The following NUMB variants were observed in gnomAD, a reference collection of about 807,000 sequenced individuals.
NUMB encodes protein numb homolog.
In NUMB, 29 loss-of-function variants were observed where a neutral mutation model predicts 59.7. The observed-to-expected ratio is 0.49, with a 90% CI of 0.36 to 0.66. NUMB has a LOEUF of 0.66. Ranked by LOEUF, NUMB falls within the 30% of genes least tolerant of loss-of-function variation. The probability of loss-of-function intolerance (pLI) is 0.00; values close to 1 mark genes in which losing one functional copy is unlikely to be tolerated. For synonymous variants in NUMB, 288 were observed against 288.2 expected (o/e 1.00, Z 0.01); for missense variants, 723 against 822.0 (o/e 0.88, Z 1.47).
intron 2 of NUMB, among the ~76,000 whole-genome samples, chr14:73,399,383 G>C (rs531782097): frequency 2.0e-5 from 3 of 152,088 alleles, no homozygotes; most frequent in Admixed American, 1.3e-4. Context: ...GACGAAAATG[G>C]AGAAACCCTG....
chr14:73,339,278 A>ACTAAACCAATGGTC (rs1892509012), intron 4 of NUMB, among the ~76,000 whole-genome samples: 1 of 152,184 alleles, frequency 6.6e-6, no homozygotes, highest in African/African-American at 2.4e-5. Flanking sequence ...GGCTGACAGT[A>ACTAAACCAATGGTC]TTGAAAAGTA....
chr14:73,385,987 GCTGT>G lies in NUMB; in HGVS notation c.-100-19010_-100-19007del, dbSNP rs1330750519. 2.0e-5 allele frequency among the ~76,000 whole-genome samples: 3 copies of G among 152,094 alleles called. No individual in the cohort carries two copies. The East Asian group carries it at 5.8e-4, about 29-fold the overall frequency. ...CTGAAGTATTGTACACTGATAAAAT[GCTGT>G]CTGACAACCTTAACTAGCGGGCTTT... On this transcript the variant is annotated intron_variant, in intron 2 of 12. Transcript: ENST00000555238.
intron 2 of NUMB, among the ~76,000 whole-genome samples, chr14:73,396,321 G>GGT (rs200195176): frequency 0.054 from 7,751 of 144,208 alleles, 223 homozygotes; most frequent in South Asian, 0.07. Flanking sequence ...AATTATTAGG[G>GGT]GTGTGTGTGT....
chr14:73,449,946 C>T (rs1883808733), intron 1 of NUMB, among the ~76,000 whole-genome samples: 1 of 152,188 alleles, frequency 6.6e-6, no homozygotes, highest in South Asian at 2.1e-4. Flanking sequence ...CTTTGGCCTC[C>T]CAAAGTGCTG....
chr14:73,279,540 A>G lies in NUMB; in HGVS notation c.1097-116T>C, dbSNP rs535398001. On this transcript the variant is annotated intron_variant, in intron 11 of 12. Transcript: ENST00000555238. ...ATACTGGTGGAATGGATAAGAGAGA[A>G]GAGTTGATGTTTGGGAAAACCATGA... The G allele has an allele frequency of 1.3e-5, 13 of 967,760 alleles. No homozygotes were observed. The South Asian group carries it at 2.7e-4, about 20-fold the overall frequency. 59.9% of individuals were successfully genotyped at this position (967,760 alleles called of 1,614,324 possible). A position where few individuals can be genotyped will look rare whatever the true frequency, so the allele number is the denominator to read the frequency against.
At chr14:73,378,316 G>T (rs1269863735) in intron 2 of NUMB, among the ~76,000 whole-genome samples, 1 of 152,086 alleles carries the variant, frequency 6.6e-6, no homozygotes, top group African/African-American at 2.4e-5. Context: ...ATGCAAAATG[G>T]CACAGCCACT....
At chr14:73,429,265 G>C (rs60332423) in intron 1 of NUMB, among the ~76,000 whole-genome samples, 7,804 of 152,086 alleles carry the variant, frequency 0.051, 642 homozygotes, top group African/African-American at 0.18. Flanking sequence ...CCAGCTACTC[G>C]GGAGGCTGAG....
At chr14:73,342,170 T>C (rs1371709245) in intron 4 of NUMB, among the ~76,000 whole-genome samples, 1 of 152,254 alleles carries the variant, frequency 6.6e-6, no homozygotes, top group East Asian at 1.9e-4. Flanking sequence ...GTGCTGGGAT[T>C]ACAGGCGTAA....
At chr14:73,379,671 A>G (rs1895135419) in intron 2 of NUMB, among the ~76,000 whole-genome samples, 1 of 152,180 alleles carries the variant, frequency 6.6e-6, no homozygotes. Context: ...GGCAAGCCCA[A>G]GTACATAGGT....
chr14:73,289,711 T>C (rs547574678), intron 8 of NUMB, among the ~76,000 whole-genome samples: 1 of 152,358 alleles, frequency 6.6e-6, no homozygotes, highest in African/African-American at 2.4e-5. Context: ...TAAAGACTGA[T>C]AGAATTACTC....
intron 1 of NUMB, 192 bp downstream of exon 1, chr14:73,458,301 C>T (rs995696703): frequency 6.5e-6 from 1 of 154,030 alleles, no homozygotes; most frequent in Non-Finnish European, 1.5e-5. Flanking sequence ...AGAAGCCCAG[C>T]CCCTCTCCCC....
At chr14:73,451,167 A>AAAG (rs1883925308) in intron 1 of NUMB, among the ~76,000 whole-genome samples, 1 of 139,314 alleles carries the variant, frequency 7.2e-6, no homozygotes, top group Non-Finnish European at 1.5e-5. Flanking sequence ...AAAAAAAAAA[A>AAAG]AAAAAAACAA....
intron 6 of NUMB, among the ~76,000 whole-genome samples, chr14:73,301,627 G>A (rs1479416358): frequency 3.3e-5 from 5 of 152,224 alleles, no homozygotes; most frequent in Middle Eastern, 3.4e-3. Flanking sequence ...TTTTTGTAGA[G>A]ACAGGGTCTT....
chr14:73,366,866 T>C (rs1894368312), intron 3 of NUMB, 31 bp downstream of exon 3: 1 of 152,172 alleles, frequency 6.6e-6, no homozygotes, highest in African/African-American at 2.4e-5. Context: ...AGATTCATGG[T>C]TATGATTAAG....
intron 3 of NUMB, among the ~76,000 whole-genome samples, chr14:73,359,591 T>A (rs1894001347): frequency 1.3e-5 from 2 of 152,228 alleles, no homozygotes; most frequent in South Asian, 4.1e-4. Context: ...CTTTTTACAC[T>A]AGCTTTCCTC....
In NUMB at chr14:73,372,343, T is replaced by TTATATATATATATATATAACCTTTTA. The variant is rs60502086; in HGVS notation, c.-100-5363_-100-5362insTAAAAGGTTATATATATATATATATA. 3.6e-4 allele frequency among the ~76,000 whole-genome samples: 36 copies of TTATATATATATATATATAACCTTTTA among 100,776 alleles called. 1 individual carries two copies. The highest frequency in any genetic ancestry group is 1.2e-3 in the East Asian group (4 of 3,446). 66.1% of individuals were successfully genotyped at this position (100,776 alleles called of 152,430 possible). A position where few individuals can be genotyped will look rare whatever the true frequency, so the allele number is the denominator to read the frequency against. On this transcript the variant is annotated intron_variant, in intron 2 of 12. Coordinates refer to ENST00000555238, the MANE Select transcript of NUMB (RefSeq NM_001005743.2). ...TATATATATATATATATATAACCTT[T>TTATATATATATATATATAACCTTTTA]TATATATATATATATAACCTTTTAT...
chr14:73,280,417 G>A (rs759438954), intron 11 of NUMB, among the ~76,000 whole-genome samples: 2 of 150,000 alleles, frequency 1.3e-5, no homozygotes, highest in East Asian at 1.9e-4. Context: ...TAACTCTCCT[G>A]GTAACTCACA....
rs1192576487 is a variant in NUMB at position 73,282,423 on chromosome 14, G to T, written c.1032C>A (p.Pro344=). The T allele has an allele frequency of 2.5e-6, 4 of 1,614,186 alleles. No homozygotes were observed. The highest frequency in any genetic ancestry group is 1.7e-5 in the Admixed American group (1 of 60,020). Residue 344 remains proline (P), a synonymous_variant, in exon 11 of 13, where the codon CCC becomes CCA. Coordinates refer to ENST00000555238, the MANE Select transcript of NUMB (RefSeq NM_001005743.2). ...ITNAFSTPED[P]FSSAPMTKPV... is the part of the protein sequence containing the mutation. ...GTTTGGTCATCGGAGCAGATGAGAA[G>T]GGGTCCTCAGGTGTGCTGAAGGCAT...
intron 1 of NUMB, among the ~76,000 whole-genome samples, chr14:73,425,490 A>G (rs553250480): frequency 6.6e-6 from 1 of 152,134 alleles, no homozygotes; most frequent in Admixed American, 6.5e-5. Context: ...TACAAATGTG[A>G]GCCACTGCAC....
Sources: allele counts gnomAD v4.1 joint callset (sites outside exome capture counted in the v4.1 genomes callset), GRCh38; gene constraint gnomAD v4.1.1; transcripts MANE v1.5; gene names NCBI Gene and HGNC (gene_info 2026-07-23, HGNC 2026-07-21).